The following DYNC2I1 variants were observed in gnomAD, a reference collection of about 807,000 sequenced individuals.
DYNC2I1 encodes dynein 2 intermediate chain 1.
A neutral mutation model predicts 133.4 loss-of-function variants in DYNC2I1; 89 were observed. The observed-to-expected ratio is 0.67, with a 90% CI of 0.56 to 0.80. DYNC2I1 has a LOEUF of 0.80. DYNC2I1 is among the 30% of genes least tolerant of loss of function. DYNC2I1 has a pLI of 0.00. For missense variants in DYNC2I1, 1,291 were observed against 1,314.5 expected, an observed-to-expected ratio of 0.98 and a Z score of 0.28; for synonymous variants, 504 against 484.3, an observed-to-expected ratio of 1.04 and a Z score of -0.54.
At chr7:158,949,990 C>T (rs372825933), downstream of DYNC2I1, among the ~76,000 whole-genome samples, 14 of 152,174 alleles carry the variant, frequency 9.2e-5, no homozygotes, top group East Asian at 9.7e-4. Context: ...AGGCTGGTCT[C>T]GAACTCCCAA....
chr7:158,840,722 G>A, the DYNC2I1 span, among the ~76,000 whole-genome samples: 2 of 152,212 alleles, frequency 1.3e-5, no homozygotes, highest in African/African-American at 4.8e-5. Context: ...GGCCCCAGTG[G>A]GGGAGGTTTT....
chr7:158,923,066 G>A (rs1189914466), intron 16 of DYNC2I1, among the ~76,000 whole-genome samples: 1 of 152,194 alleles, frequency 6.6e-6, no homozygotes, highest in South Asian at 2.1e-4. Flanking sequence ...ACCGAGGCTT[G>A]AGGACTGTGC....
At chr7:158,864,123 G>T (rs76778395) in intron 1 of DYNC2I1, among the ~76,000 whole-genome samples, 4,598 of 150,782 alleles carry the variant, frequency 0.03, 82 homozygotes, top group Non-Finnish European at 0.048. Context: ...CCGGGTGTGG[G>T]GGGGGGAGCA....
At chr7:158,921,106 T>C (rs1333839561) in intron 15 of DYNC2I1, among the ~76,000 whole-genome samples, 2 of 152,062 alleles carry the variant, frequency 1.3e-5, no homozygotes, top group African/African-American at 4.8e-5. Context: ...GGCTCTGCAC[T>C]GGCTAAACAG....
chr7:158,903,255 G>C (rs974356932), intron 10 of DYNC2I1: 3 of 152,160 alleles, frequency 2.0e-5, no homozygotes, highest in African/African-American at 7.2e-5. Context: ...ATTTAGAAAT[G>C]TATTTTTTCT....
At chr7:158,942,264 C>CAG in intron 24 of DYNC2I1, 116 bp downstream of exon 24, 1 of 720,206 alleles carries the variant, frequency 1.4e-6, no homozygotes, top group Non-Finnish European at 2.1e-6. Context: ...TAAGATGTGG[C>CAG]CATATGTAAA....
At chr7:158,943,677 C>A (rs1000579791) in intron 24 of DYNC2I1, among the ~76,000 whole-genome samples, 2 of 151,366 alleles carry the variant, frequency 1.3e-5, no homozygotes, top group African/African-American at 4.9e-5. Flanking sequence ...GGACTCCAAA[C>A]GTGGCTCATA....
intron 14 of DYNC2I1, among the ~76,000 whole-genome samples, chr7:158,916,174 G>A (rs771005246): frequency 9.2e-5 from 5 of 54,612 alleles, no homozygotes; most frequent in African/African-American, 1.8e-4. Context: ...ATTGTGAAAC[G>A]TCGACACGCT....
chr7:158,853,845 C>G (rs913322833), upstream of DYNC2I1, among the ~76,000 whole-genome samples: 10 of 150,476 alleles, frequency 6.6e-5, no homozygotes, highest in Non-Finnish European at 1.5e-5. Flanking sequence ...TAGAGACGGG[C>G]TTTCTCCATG....
rs776300442 is a variant in DYNC2I1, at chr7:158,914,307, C to T, written c.1777C>T (p.Arg593Trp). Residue 593 changes from arginine to tryptophan, a missense_variant, in exon 14 of 25, where the codon CGG (arginine) becomes TGG (tryptophan). Arg to Trp is a moderately radical substitution (Grantham distance 101). Coordinates refer to ENST00000407559, the MANE Select transcript of DYNC2I1 (RefSeq NM_018051.5). ...IDTPRLCSFL[R>W]AACQVMAVLL... ...TACTCCAAGGTTATGTAGCTTTCTG[C>T]GGGCTGCTTGTCAGGTATACTCAAC... The T allele has an allele frequency of 6.9e-5, 111 of 1,610,582 alleles. No homozygotes were observed. Among genetic ancestry groups the T allele is most frequent in the Middle Eastern group, 1.6e-4 (1 of 6,078 alleles).
intron 4 of DYNC2I1, among the ~76,000 whole-genome samples, chr7:158,953,265 TTGAG>T (rs969951730): frequency 3.7e-5 from 5 of 133,480 alleles, no homozygotes; most frequent in Non-Finnish European, 8.2e-5. Flanking sequence ...CTCTCCTGAA[TTGAG>T]TGACACTGAG....
the DYNC2I1 span, among the ~76,000 whole-genome samples, chr7:158,850,056 C>A: frequency 6.6e-6 from 1 of 152,220 alleles, no homozygotes; most frequent in Non-Finnish European, 1.5e-5. Flanking sequence ...TTGGAGCAGG[C>A]GCTAGGAGCA....
intron 11 of DYNC2I1, among the ~76,000 whole-genome samples, chr7:158,907,598 C>A (rs1375199070): frequency 6.6e-6 from 1 of 151,602 alleles, no homozygotes; most frequent in African/African-American, 2.4e-5. Flanking sequence ...CTTTCCTTTC[C>A]CTTTTCTTTC....
intron 5 of DYNC2I1, among the ~76,000 whole-genome samples, chr7:158,883,572 A>G (rs907143513): frequency 6.7e-6 from 1 of 148,340 alleles, no homozygotes; most frequent in Non-Finnish European, 1.5e-5. Flanking sequence ...TTTTATTGTA[A>G]GCTTCCTCCA....
rs905310834 is a variant in DYNC2I1, at chr7:158,918,598, A to G, written c.1792-142A>G. On this transcript the variant is annotated intron_variant, in intron 14 of 24. Transcript: ENST00000407559. ...TTCAGTATTGAGCAGAAAGGACCGT[A>G]TCGTTTTTCTTGTAGTTATGATAGC... The G allele has an allele frequency of 8.0e-6, 7 of 870,008 alleles. No homozygotes were observed. In the East Asian group the frequency reaches 1.0e-4, roughly 13 times the overall value. 53.9% of individuals were successfully genotyped at this position (870,008 alleles called of 1,614,324 possible).
intron 23 of DYNC2I1, among the ~76,000 whole-genome samples, chr7:158,941,008 CAA>C (rs1851296521): frequency 6.6e-6 from 1 of 151,832 alleles, no homozygotes; most frequent in Non-Finnish European, 1.5e-5. Flanking sequence ...TAAATTGAGA[CAA>C]AGAAATTACA....
Position 158,856,653 on chromosome 7 carries a change from G to T in DYNC2I1, c.-83G>T. 1 of 1,217,172 alleles carries T rather than the reference G, an allele frequency of 8.2e-7. No individual in the cohort carries two copies. The allele number at this position is 1,217,172 out of a possible 1,614,324, so 75.4% of individuals were successfully genotyped here. The stretch of plus-strand genomic sequence containing the variant: ...CGCTGGGACGCGCCTCCCGAAGGGT[G>T]CGGGGCACAGGTGGCCTCTTCGGGG... On this transcript the variant is annotated 5_prime_UTR_variant, in exon 1 of 25. Transcript: ENST00000407559.
intron 11 of DYNC2I1, among the ~76,000 whole-genome samples, chr7:158,907,554 TTTCCCTTTTCC>T (rs368628617): frequency 6.6e-6 from 1 of 151,966 alleles, no homozygotes; most frequent in African/African-American, 2.4e-5. Flanking sequence ...TCCATTTCCC[TTTCCCTTTTCC>T]TTTCCCTTTC....
chr7:158,884,282 TGATGCGCC>T (rs953180231), intron 5 of DYNC2I1, among the ~76,000 whole-genome samples: 19 of 152,054 alleles, frequency 1.2e-4, no homozygotes, highest in African/African-American at 4.1e-4. Context: ...CGACCTCAGG[TGATGCGCC>T]CGCCTTGGCC....
Sources: gnomAD v4.1 joint callset for allele counts (sites outside exome capture counted in the v4.1 genomes callset) on GRCh38, gnomAD v4.1.1 for gene constraint, MANE v1.5 for transcripts, NCBI Gene and HGNC (gene_info 2026-07-23, HGNC 2026-07-21) for gene names.